FTO: variants seen among roughly 807,000 people sequenced by gnomAD.
FTO encodes the protein alpha-ketoglutarate-dependent dioxygenase FTO.
FTO carries 47 observed loss-of-function variants against 63.9 expected under a neutral mutation model. The observed-to-expected ratio is 0.74, with a 90% CI of 0.58 to 0.94. FTO has a LOEUF of 0.94. Ranked by LOEUF, FTO falls within the 40% of genes least tolerant of loss-of-function variation. The pLI is 0.00. For synonymous variants in FTO, 207 were observed against 224.4 expected (o/e 0.92, Z 0.69); for missense variants, 562 against 618.1 (o/e 0.91, Z 0.96).
intron 8 of FTO, chr16:53,979,558 TG>T: frequency 2.5e-6 from 1 of 394,720 alleles, no homozygotes; most frequent in Non-Finnish European, 4.5e-6. Context: ...TGTGTGTGTG[TG>T]TGTGTGTGCG....
intron 8 of FTO, chr16:53,993,427 T>A (rs2083859607): frequency 6.6e-6 from 1 of 152,210 alleles, no homozygotes; most frequent in African/African-American, 2.4e-5. Context: ...CCCATTAGTC[T>A]TTGGCAATAA....
At chr16:53,946,911 C>T (rs2082663569) in intron 8 of FTO, among the ~76,000 whole-genome samples, 1 of 152,244 alleles carries the variant, frequency 6.6e-6, no homozygotes, top group South Asian at 2.1e-4. Context: ...TTTCCAGTTT[C>T]ACCATCAATT....
chr16:53,931,263 A>T (rs541398232), intron 7 of FTO, among the ~76,000 whole-genome samples: 31 of 150,402 alleles, frequency 2.1e-4, no homozygotes, highest in Non-Finnish European at 4.3e-4. Context: ...TGGTAAAATA[A>T]TATGTATCCA....
At chr16:53,998,469 GA>G (rs2083993487) in intron 8 of FTO, 1 of 152,212 alleles carries the variant, frequency 6.6e-6, no homozygotes, top group Non-Finnish European at 1.5e-5. Context: ...TCTACATAGT[GA>G]ATCTAGGTAT....
At chr16:53,784,115 G>A (rs1206158364) in intron 1 of FTO, among the ~76,000 whole-genome samples, 1 of 152,128 alleles carries the variant, frequency 6.6e-6, no homozygotes, top group African/African-American at 2.4e-5. Context: ...TGAGCATGAG[G>A]GTTTCGTCTT....
At chr16:53,749,050 G>T (rs1204124068) in intron 1 of FTO, among the ~76,000 whole-genome samples, 1 of 152,214 alleles carries the variant, frequency 6.6e-6, no homozygotes, top group East Asian at 1.9e-4. Context: ...ACAGGCATGA[G>T]CCACCGTGCC....
intron 8 of FTO, among the ~76,000 whole-genome samples, chr16:54,065,277 C>G (rs575919249): frequency 1.3e-5 from 2 of 151,996 alleles, no homozygotes; most frequent in Non-Finnish European, 2.9e-5. Flanking sequence ...CTGCCTCCGC[C>G]TTCCCAGTAG....
chr16:54,091,805 C>T (rs190529621), intron 8 of FTO, among the ~76,000 whole-genome samples: 19 of 152,272 alleles, frequency 1.2e-4, no homozygotes, highest in African/African-American at 4.1e-4. Context: ...TCTTTGTGAC[C>T]TTGGGCAAAT....
intron 8 of FTO, among the ~76,000 whole-genome samples, chr16:53,950,164 A>AAAAAAAAAAC (rs1196781374): frequency 2.1e-5 from 3 of 146,226 alleles, no homozygotes; most frequent in South Asian, 2.2e-4. Context: ...GTAAAAAAAA[A>AAAAAAAAAAC]AAAAAAAAAA....
intron 4 of FTO, among the ~76,000 whole-genome samples, chr16:53,850,755 G>GA (rs56892864): frequency 2.1e-5 from 3 of 142,278 alleles, no homozygotes; most frequent in Non-Finnish European, 4.5e-5. Flanking sequence ...TTTTTTTCCA[G>GA]AAAAAAAAAT....
Position 53,852,101 on chromosome 16 carries a change from C to CAAAAAAAAAAAAAAAAAAAA in FTO, c.895+7822_895+7823insAAAAAAAAAAAAAAAAAAAA, listed in dbSNP as rs57004473. ...CAAAACTCTGTCTCTACAAAAAATA[C>CAAAAAAAAAAAAAAAAAAAA]AAAAAAAAAAAAAAAAAAAGCCAGG... On this transcript the variant is annotated intron_variant, in intron 4 of 8. Coordinates refer to ENST00000471389, the MANE Select transcript of FTO (RefSeq NM_001080432.3). Among the ~76,000 whole-genome samples the CAAAAAAAAAAAAAAAAAAAA allele has an allele frequency of 8.1e-4, 44 of 54,422 alleles. 6 individuals carry two copies. The highest frequency in any genetic ancestry group is 2.2e-3 in the East Asian group (4 of 1,806). 35.7% of individuals were successfully genotyped at this position (54,422 alleles called of 152,430 possible). A position where few individuals can be genotyped will look rare whatever the true frequency, so the allele number is the denominator to read the frequency against.
intron 7 of FTO, among the ~76,000 whole-genome samples, chr16:53,891,790 G>A (rs1227864302): frequency 6.6e-6 from 1 of 152,206 alleles, no homozygotes; most frequent in Non-Finnish European, 1.5e-5. Flanking sequence ...TGAAGGTGGT[G>A]GCACATGCGT....
intron 4 of FTO, among the ~76,000 whole-genome samples, chr16:53,845,128 T>C (rs2079584768): frequency 6.6e-6 from 1 of 152,232 alleles, no homozygotes; most frequent in South Asian, 2.1e-4. Flanking sequence ...ACTTGTTTTC[T>C]AATGCGCAAT....
rs117385455 is a variant in FTO at position 54,121,251 on chromosome 16, C to A, written c.*9336C>A. On this transcript the variant is annotated 3_prime_UTR_variant, in exon 9 of 9. Transcript: ENST00000471389. ...CAAGGATTGTTGTATCACCTGTGAT[C>A]GTGCCTATTAAGCAATTAACGTCAT... 2 of 152,286 alleles carry A rather than the reference C, an allele frequency of 1.3e-5. No homozygotes were observed. The highest frequency in any genetic ancestry group is 2.4e-5 in the African/African-American group (1 of 41,556). The allele number at this position is 152,286 out of a possible 1,614,324, so 9.4% of individuals were successfully genotyped here. A position where few individuals can be genotyped will look rare whatever the true frequency, so the allele number is the denominator to read the frequency against.
chr16:53,777,904 A>G (rs1820673792), intron 1 of FTO, among the ~76,000 whole-genome samples: 1 of 152,172 alleles, frequency 6.6e-6, no homozygotes, highest in African/African-American at 2.4e-5. Context: ...TTTTCAAGTA[A>G]AAATGGTGTT....
chr16:54,052,270 CT>C, intron 8 of FTO, among the ~76,000 whole-genome samples: 1 of 152,224 alleles, frequency 6.6e-6, no homozygotes, highest in South Asian at 2.1e-4. Flanking sequence ...TATCAGACAT[CT>C]TGACTTTTTT....
In FTO at chr16:54,086,350, G is replaced by A. The variant is rs377618196; in HGVS notation, c.1365-25412G>A. 2.6e-5 allele frequency among the ~76,000 whole-genome samples: 4 copies of A among 152,132 alleles called. No homozygotes were observed. In the East Asian group the frequency reaches 5.8e-4, roughly 22 times the overall value. ...ATACTTGCTGGCAAGGGCACTGCAG[G>A]ATCAAAAGAGTTAATAATTGGATCC... On this transcript the variant is annotated intron_variant, in intron 8 of 8. Transcript: ENST00000471389.
chr16:53,837,060 C>T (rs1355950925), intron 3 of FTO, among the ~76,000 whole-genome samples: 4 of 152,194 alleles, frequency 2.6e-5, no homozygotes, highest in African/African-American at 9.6e-5. Flanking sequence ...GAAACCTCTA[C>T]TGTTAGAAGC....
intron 7 of FTO, among the ~76,000 whole-genome samples, chr16:53,907,580 C>T (rs1475419332): frequency 6.6e-6 from 1 of 152,098 alleles, no homozygotes; most frequent in African/African-American, 2.4e-5. Flanking sequence ...TCAGACAAAC[C>T]ATCATAAGTC....
Sources: allele counts gnomAD v4.1 joint callset (sites outside exome capture counted in the v4.1 genomes callset), GRCh38; gene constraint gnomAD v4.1.1; transcripts MANE v1.5; gene names NCBI Gene and HGNC (gene_info 2026-07-23, HGNC 2026-07-21).